ARHGEF9: variants seen among roughly 807,000 people sequenced by gnomAD.
The protein encoded by ARHGEF9 is rho guanine nucleotide exchange factor 9.
ARHGEF9 carries 2 observed loss-of-function variants against 41.3 expected under a neutral mutation model. That is an observed-to-expected ratio of 0.05 (90% CI 0.02 to 0.15). The LOEUF (loss-of-function observed/expected upper bound fraction) is 0.15, where lower values mean the gene tolerates loss of function less well. ARHGEF9 is among the 10% of genes least tolerant of loss of function. ARHGEF9 has a pLI of 1.00. For missense variants in ARHGEF9, 225 were observed against 424.7 expected, an observed-to-expected ratio of 0.53 and a Z score of 4.13; for synonymous variants, 160 against 154.4, an observed-to-expected ratio of 1.04 and a Z score of -0.27.
At chrX:63,652,883 T>G (rs1556331128) in intron 8 of ARHGEF9, among the ~76,000 whole-genome samples, 1 of 110,609 alleles carries the variant, frequency 9.0e-6, no homozygotes, top group Admixed American at 9.7e-5. Context: ...TCACGAGATC[T>G]GATGGTTTAA....
chrX:63,758,675 C>T (rs1286594880), intron 1 of ARHGEF9, among the ~76,000 whole-genome samples: 2 of 112,001 alleles, frequency 1.8e-5, no homozygotes, highest in Non-Finnish European at 3.8e-5. Flanking sequence ...TTTCCAGCTC[C>T]CCATTTCAAA....
At chrX:63,656,748 C>T (rs1556336658) in intron 7 of ARHGEF9, 1 of 110,853 alleles carries the variant, frequency 9.0e-6, no homozygotes, top group South Asian at 3.9e-4. Flanking sequence ...ATGCCACGTT[C>T]CAGACAGTAC....
intron 2 of ARHGEF9, among the ~76,000 whole-genome samples, chrX:63,713,809 A>G (rs1160257769): frequency 1.8e-5 from 2 of 110,846 alleles, no homozygotes; most frequent in African/African-American, 6.6e-5. Flanking sequence ...CATGCCAGGA[A>G]GCACTTAGCA....
intron 1 of ARHGEF9, among the ~76,000 whole-genome samples, chrX:63,780,417 A>G (rs1390567190): frequency 9.0e-6 from 1 of 111,199 alleles, no homozygotes; most frequent in Admixed American, 9.6e-5. Flanking sequence ...TTGGTCCACA[A>G]TTCCATATTC....
chrX:63,646,146 T>A (rs1341327947), intron 8 of ARHGEF9, among the ~76,000 whole-genome samples: 1 of 111,460 alleles, frequency 9.0e-6, no homozygotes, highest in East Asian at 2.8e-4. Context: ...GTCAGATGAG[T>A]AGATTGCAAA....
chrX:63,651,819 T>C (rs1556329067), intron 8 of ARHGEF9, among the ~76,000 whole-genome samples: 2 of 109,811 alleles, frequency 1.8e-5, no homozygotes, highest in African/African-American at 6.6e-5. Flanking sequence ...ATCAACAATA[T>C]AGAGTCCTTC....
intron 1 of ARHGEF9, among the ~76,000 whole-genome samples, chrX:63,726,146 G>A (rs1449622160): frequency 8.9e-6 from 1 of 111,998 alleles, no homozygotes; most frequent in Non-Finnish European, 1.9e-5. Flanking sequence ...TCATCTTTGT[G>A]CCTTCCACAG....
At chrX:63,667,097 G>A (rs1194185318) in intron 6 of ARHGEF9, among the ~76,000 whole-genome samples, 2 of 112,019 alleles carry the variant, frequency 1.8e-5, no homozygotes, top group Non-Finnish European at 3.8e-5. Flanking sequence ...TGAAGATAGG[G>A]ACAAAGAGTA....
rs199625034 is a variant in ARHGEF9 at position 63,674,098 on chromosome X, C to T, written c.885G>A (p.Lys295=). The T allele has an allele frequency of 2.4e-4, 289 of 1,209,438 alleles. 1 individual carries two copies. The highest frequency in any genetic ancestry group is 2.6e-4 in the Non-Finnish European group (237 of 894,792). The change falls in exon 6 of 10, where the codon AAG becomes AAA. Residue 295 remains lysine (K), a synonymous_variant. Transcript: ENST00000671741. The part of the protein sequence containing the change: ...RNVTQQINER[K]RRLENIDKIA... ...TCTTGTCAATATTCTCTAAACGTCG[C>T]TTGCGTTCGTTGATCTGCTGAGTCA... is the stretch of plus-strand genomic sequence containing the variant.
intron 4 of ARHGEF9, among the ~76,000 whole-genome samples, chrX:63,691,234 A>C: frequency 9.0e-6 from 1 of 111,638 alleles, no homozygotes; most frequent in Non-Finnish European, 1.9e-5. Flanking sequence ...ATTTAGAAAA[A>C]CCTAAAGACT....
At chrX:63,683,203 T>C (rs1439325246) in intron 4 of ARHGEF9, among the ~76,000 whole-genome samples, 1 of 111,046 alleles carries the variant, frequency 9.0e-6, no homozygotes, top group Non-Finnish European at 1.9e-5. Context: ...TTTATACCTA[T>C]AATGATGTAT....
chrX:63,695,114 T>C (rs1438362798), intron 4 of ARHGEF9, among the ~76,000 whole-genome samples: 2 of 111,641 alleles, frequency 1.8e-5, no homozygotes, highest in African/African-American at 3.3e-5. Flanking sequence ...CAGGGGACAT[T>C]TGTCAATGTC....
At chrX:63,712,768 G>A (rs1342754065) in intron 2 of ARHGEF9, 1 of 111,704 alleles carries the variant, frequency 9.0e-6, no homozygotes, top group Admixed American at 9.5e-5. Context: ...TAGATAAGGT[G>A]AAATTTCCCC....
intron 1 of ARHGEF9, among the ~76,000 whole-genome samples, chrX:63,761,554 C>A (rs2056034581): frequency 9.0e-6 from 1 of 111,469 alleles, no homozygotes; most frequent in Non-Finnish European, 1.9e-5. Context: ...TCTGCTACAG[C>A]CTGAGAATAC....
chrX:63,681,787 A>G (rs1392305543), intron 4 of ARHGEF9, among the ~76,000 whole-genome samples: 18 of 111,738 alleles, frequency 1.6e-4, no homozygotes, highest in Admixed American at 1.4e-3. Flanking sequence ...AACAAAACTA[A>G]GACTTGGTTT....
intron 4 of ARHGEF9, among the ~76,000 whole-genome samples, chrX:63,688,131 CAT>C (rs1289772077): frequency 1.8e-5 from 2 of 110,990 alleles, no homozygotes; most frequent in Non-Finnish European, 3.8e-5. Flanking sequence ...AAGCAAATAA[CAT>C]ATAAAGGAGT....
chrX:63,706,248 C>T lies in ARHGEF9; in HGVS notation c.402+10G>A, dbSNP rs782255347. 2 of 1,192,635 alleles carry T rather than the reference C, an allele frequency of 1.7e-6. No individual in the cohort carries two copies. The highest frequency in any genetic ancestry group is 2.3e-6 in the Non-Finnish European group (2 of 884,700). The stretch of plus-strand genomic sequence containing the variant: ...CGTGGAAGTGCCTCCACATGAACCA[C>T]CATGGTTACCTCACAAATATCCTTG... On this transcript the variant is annotated intron_variant, in intron 3 of 9. Coordinates refer to ENST00000671741, the MANE Select transcript of ARHGEF9 (RefSeq NM_001353921.2).
intron 4 of ARHGEF9, among the ~76,000 whole-genome samples, chrX:63,678,847 TA>T (rs1180429132): frequency 9.0e-6 from 1 of 111,218 alleles, no homozygotes; most frequent in Non-Finnish European, 1.9e-5. Flanking sequence ...CTGGCCCTAA[TA>T]AGAGTAAAAC....
intron 1 of ARHGEF9, among the ~76,000 whole-genome samples, chrX:63,748,548 G>A (rs1205036072): frequency 3.6e-5 from 4 of 111,782 alleles, no homozygotes; most frequent in Admixed American, 9.5e-5. Flanking sequence ...ACCCTGAAGT[G>A]GCCAACTTCA....
Sources: allele counts gnomAD v4.1 joint callset (sites outside exome capture counted in the v4.1 genomes callset), GRCh38; gene constraint gnomAD v4.1.1; transcripts MANE v1.5; gene names NCBI Gene and HGNC (gene_info 2026-07-23, HGNC 2026-07-21).